The following KDM5A variants were observed in gnomAD, a reference collection of about 807,000 sequenced individuals.
KDM5A encodes the protein lysine demethylase 5A.
KDM5A carries 42 observed loss-of-function variants against 193.5 expected under a neutral mutation model. The observed-to-expected ratio is 0.22, with a 90% CI of 0.17 to 0.28. The LOEUF (loss-of-function observed/expected upper bound fraction) is 0.28, where lower values mean the gene tolerates loss of function less well. KDM5A is among the 10% of genes least tolerant of loss of function. KDM5A has a pLI of 1.00. For synonymous variants in KDM5A, 796 were observed against 718.1 expected, an observed-to-expected ratio of 1.11 and a Z score of -1.73; for missense variants, 1,692 against 2,055.1, an observed-to-expected ratio of 0.82 and a Z score of 3.42.
At chr12:299,849 T>C (rs1398435875) in intron 24 of KDM5A, among the ~76,000 whole-genome samples, 1 of 151,522 alleles carries the variant, frequency 6.6e-6, no homozygotes, top group African/African-American at 2.4e-5. Context: ...TGGAGGAAGA[T>C]CTACCAAGCA....
chr12:354,350 A>T, intron 7 of KDM5A, 116 bp from the exon 8 acceptor site: 1 of 707,710 alleles, frequency 1.4e-6, no homozygotes, highest in Non-Finnish European at 2.4e-6. Context: ...ACATAACTTA[A>T]ATCCTGAATG....
chr12:317,854 G>A (rs568656700), intron 19 of KDM5A, among the ~76,000 whole-genome samples: 1 of 152,114 alleles, frequency 6.6e-6, no homozygotes, highest in Non-Finnish European at 1.5e-5. Context: ...GCACCTCTCC[G>A]GGAGCTGCAC....
chr12:367,026 C>A (rs1339542788), intron 3 of KDM5A, among the ~76,000 whole-genome samples: 1 of 152,272 alleles, frequency 6.6e-6, no homozygotes, highest in East Asian at 1.9e-4. Flanking sequence ...ACAGGTTATA[C>A]CACATAGCCT....
rs1368465821 is a variant in KDM5A, at chr12:284,057, A to G, written c.*1399T>C. ...TATAATTATCTATATGAACAAAAGC[A>G]AAATGGAAGATCTGGTCAGGCTGGG... On this transcript the variant is annotated 3_prime_UTR_variant, in exon 28 of 28. Transcript: ENST00000399788. The G allele has an allele frequency of 4.3e-6, 1 of 232,978 alleles. No individual in the cohort carries two copies. The highest frequency in any genetic ancestry group is 8.5e-6 in the Non-Finnish European group (1 of 117,722). 14.4% of individuals were successfully genotyped at this position (232,978 alleles called of 1,614,324 possible).
At chr12:377,475 T>C (rs1430471481) in intron 3 of KDM5A, among the ~76,000 whole-genome samples, 1 of 151,488 alleles carries the variant, frequency 6.6e-6, no homozygotes, top group Non-Finnish European at 1.5e-5. Flanking sequence ...AAAGATAAGA[T>C]CCTAAATCTT....
At chr12:320,450 C>G (rs2137406803) in intron 18 of KDM5A, among the ~76,000 whole-genome samples, 1 of 152,196 alleles carries the variant, frequency 6.6e-6, no homozygotes, top group East Asian at 1.9e-4. Context: ...AAGCCGAGAT[C>G]TCGCCACTGC....
At chr12:333,206 C>T in intron 12 of KDM5A, 1 of 435,224 alleles carries the variant, frequency 2.3e-6, no homozygotes. Flanking sequence ...ACTGCTTGAG[C>T]TCAGGAGTTC....
intron 24 of KDM5A, among the ~76,000 whole-genome samples, chr12:304,368 A>T (rs972140770): frequency 6.6e-6 from 1 of 152,152 alleles, no homozygotes; most frequent in Non-Finnish European, 1.5e-5. Context: ...CACCAGGTCA[A>T]ATGCAAATAA....
intron 10 of KDM5A, among the ~76,000 whole-genome samples, chr12:349,908 C>A (rs1487891950): frequency 6.6e-6 from 1 of 150,706 alleles, no homozygotes; most frequent in Non-Finnish European, 1.5e-5. Context: ...GACAGGGGAT[C>A]ACCTGAGGTC....
intron 24 of KDM5A, among the ~76,000 whole-genome samples, chr12:301,111 T>G (rs1943435645): frequency 6.6e-6 from 1 of 152,208 alleles, no homozygotes; most frequent in Non-Finnish European, 1.5e-5. Context: ...AAAGAGGATC[T>G]GGTACCATTC....
chr12:323,515 G>T, intron 15 of KDM5A, 85 bp downstream of exon 15: 1 of 1,326,586 alleles, frequency 7.5e-7, no homozygotes, highest in Non-Finnish European at 1.1e-6. Context: ...GAGTAAAGGA[G>T]TAAAGTAAGG....
At chr12:285,756 CA>C in intron 27 of KDM5A, 94 bp from the exon 28 acceptor site, 1 of 1,078,076 alleles carries the variant, frequency 9.3e-7, no homozygotes, top group East Asian at 2.4e-5. Context: ...TAAACAATAG[CA>C]AACAACTGGG....
rs574318031 is a variant in KDM5A at position 337,158 on chromosome 12, T to C, written c.1309-2736A>G. On this transcript the variant is annotated intron_variant, in intron 10 of 27. Transcript: ENST00000399788. ...CTCTCTCTTCCTCCTGCTCTGGCCA[T>C]GTAAGACGTGCCTGCTTAGCCTTCA... 2.8e-3 allele frequency among the ~76,000 whole-genome samples: 420 copies of C among 152,332 alleles called. 2 individuals carry two copies. The highest frequency in any genetic ancestry group is 9.7e-3 in the African/African-American group (403 of 41,586).
At chr12:290,823 A>G (rs1442663805) in intron 27 of KDM5A, among the ~76,000 whole-genome samples, 3 of 152,328 alleles carry the variant, frequency 2.0e-5, no homozygotes, top group Middle Eastern at 6.8e-3. Context: ...GGAAAGATTA[A>G]GTGATAAGGA....
intron 26 of KDM5A, among the ~76,000 whole-genome samples, chr12:295,037 T>C (rs1008134779): frequency 6.6e-6 from 1 of 152,182 alleles, no homozygotes; most frequent in African/African-American, 2.4e-5. Context: ...CTTTTCATAG[T>C]CACTATATAT....
At position 311,669 on chromosome 12, in the gene KDM5A, C is replaced by CA. The variant is rs546591698; in HGVS notation, c.3037-606dup. Among the ~76,000 whole-genome samples, 37 of 151,976 alleles carry CA rather than the reference C, an allele frequency of 2.4e-4. No homozygotes were observed. The South Asian group carries it at 6.4e-3, about 26-fold the overall frequency. ...TGTCCAGATAAAAACAGAAATAATT[C>CA]AAAAAAACAGAAAAGAAACAGGGGC... On this transcript the variant is annotated intron_variant, in intron 20 of 27. Coordinates refer to ENST00000399788, the MANE Select transcript of KDM5A (RefSeq NM_001042603.3).
At chr12:342,923 C>T (rs997652361) in intron 10 of KDM5A, among the ~76,000 whole-genome samples, 2 of 152,102 alleles carry the variant, frequency 1.3e-5, no homozygotes, top group African/African-American at 2.4e-5. Flanking sequence ...ACTGGGACTG[C>T]TTGGACAGTG....
At chr12:310,712 C>A (rs1943573452) in intron 21 of KDM5A, among the ~76,000 whole-genome samples, 173 bp downstream of exon 21, 1 of 152,130 alleles carries the variant, frequency 6.6e-6, no homozygotes, top group African/African-American at 2.4e-5. Context: ...AGGGACAGCA[C>A]AAGATTAACT....
intron 2 of KDM5A, 130 bp from the exon 3 acceptor site, chr12:384,283 CAGG>C (rs1944613228): frequency 8.4e-6 from 6 of 715,546 alleles, no homozygotes; most frequent in Admixed American, 4.0e-5. Context: ...AGCCACACAG[CAGG>C]AGGTGAGCAG....
Sources: gnomAD v4.1 joint callset for allele counts (sites outside exome capture counted in the v4.1 genomes callset) on GRCh38, gnomAD v4.1.1 for gene constraint, MANE v1.5 for transcripts, NCBI Gene and HGNC (gene_info 2026-07-23, HGNC 2026-07-21) for gene names.